Variants in SPIDR observed in about 807,000 individuals in gnomAD.
The protein encoded by SPIDR is DNA repair-scaffolding protein.
In SPIDR, 93 loss-of-function variants were observed where a neutral mutation model predicts 104.6. The ratio of observed to expected loss-of-function variants is 0.89; its 90% CI spans 0.75 to 1.06. SPIDR has a LOEUF of 1.06. Ranked by LOEUF, SPIDR falls within the 50% of genes least tolerant of loss-of-function variation. SPIDR has a pLI of 0.00. For synonymous variants in SPIDR, 431 were observed against 416.9 expected, an observed-to-expected ratio of 1.03 and a Z score of -0.41; for missense variants, 1,154 against 1,111.2, an observed-to-expected ratio of 1.04 and a Z score of -0.55.
At position 47,266,454 on chromosome 8, in the gene SPIDR, A is replaced by G. The variant is rs1353110784; in HGVS notation, c.33+5463A>G. ...CCTGGCCAATAGTTTCTTTGTTTTAATTGCTGAGTAGTGTTCCATATAATG... is the reference window on the plus strand; with the variant it reads ...CCTGGCCAATAGTTTCTTTGTTTTAGTTGCTGAGTAGTGTTCCATATAATG... On this transcript the variant is annotated intron_variant, in intron 1 of 19. Transcript: ENST00000297423. Among the ~76,000 whole-genome samples the G allele has an allele frequency of 7.2e-5, 11 of 152,266 alleles. No individual in the cohort carries two copies. In the East Asian group the frequency reaches 1.2e-3, roughly 16 times the overall value.
At chr8:47,287,771 A>T (rs1269421244) in intron 3 of SPIDR, among the ~76,000 whole-genome samples, 2 of 152,166 alleles carry the variant, frequency 1.3e-5, no homozygotes, top group Admixed American at 1.3e-4. Context: ...AGGTGCACTG[A>T]TTTCATATTG....
At chr8:47,703,271 T>C (rs1393374239) in intron 14 of SPIDR, among the ~76,000 whole-genome samples, 20 of 152,242 alleles carry the variant, frequency 1.3e-4, no homozygotes, top group Admixed American at 9.8e-4. Flanking sequence ...TTTGAACAAA[T>C]TCTTTGCATT....
At chr8:47,645,385 G>T (rs2154449064) in intron 10 of SPIDR, among the ~76,000 whole-genome samples, 1 of 152,210 alleles carries the variant, frequency 6.6e-6, no homozygotes, top group Middle Eastern at 3.4e-3. Flanking sequence ...TGGTGGTGTG[G>T]TCATTGAGGT....
chr8:47,598,557 A>G (rs976479330), intron 9 of SPIDR, among the ~76,000 whole-genome samples: 4 of 152,356 alleles, frequency 2.6e-5, no homozygotes, highest in African/African-American at 9.6e-5. Context: ...AAGCATTTGT[A>G]TTATCCCTAG....
chr8:47,597,278 C>T (rs1474231089), intron 9 of SPIDR, among the ~76,000 whole-genome samples: 2 of 151,992 alleles, frequency 1.3e-5, no homozygotes, highest in Admixed American at 6.6e-5. Context: ...AGGTTTGTTA[C>T]ATATGTATAC....
At chr8:47,657,408 T>C (rs770561776) in intron 10 of SPIDR, among the ~76,000 whole-genome samples, 1 of 151,816 alleles carries the variant, frequency 6.6e-6, no homozygotes, top group Non-Finnish European at 1.5e-5. Context: ...GTCATGAGGG[T>C]TGGGAGATGG....
At chr8:47,326,577 G>T (rs1554600451) in intron 5 of SPIDR, among the ~76,000 whole-genome samples, 1 of 152,144 alleles carries the variant, frequency 6.6e-6, no homozygotes, top group Non-Finnish European at 1.5e-5. Context: ...TCATCACTCT[G>T]CAAGGAGACA....
intron 7 of SPIDR, 41 bp from the exon 8 acceptor site, chr8:47,440,282 T>C: frequency 6.4e-7 from 1 of 1,564,806 alleles, no homozygotes; most frequent in Non-Finnish European, 8.8e-7. Flanking sequence ...CCATCTGTCT[T>C]TTGATTTCAT....
At chr8:47,558,866 C>G (rs891591810) in intron 8 of SPIDR, among the ~76,000 whole-genome samples, 2 of 152,130 alleles carry the variant, frequency 1.3e-5, no homozygotes, top group Non-Finnish European at 2.9e-5. Context: ...GAGTGTCGAT[C>G]TGACCTCGTG....
chr8:47,281,934 A>G (rs1220122970), intron 2 of SPIDR, among the ~76,000 whole-genome samples: 4 of 152,234 alleles, frequency 2.6e-5, no homozygotes, highest in Non-Finnish European at 5.9e-5. Flanking sequence ...TGAAAGTCAG[A>G]ATCACCCCAT....
Position 47,328,947 on chromosome 8 carries a change from C to A in SPIDR, c.525+34917C>A, listed in dbSNP as rs576299529. Among the ~76,000 whole-genome samples, 2 of 152,118 alleles carry A rather than the reference C, an allele frequency of 1.3e-5. 1 individual carries two copies. The highest frequency in any genetic ancestry group is 4.2e-4 in the South Asian group (2 of 4,818). Reference sequence around the variant, plus strand: ...TTGGAAACAGCATCTTGCTCTGTTGCACAGGCTAGAGTGCAGTGGCAGAAT... The same window carrying A: ...TTGGAAACAGCATCTTGCTCTGTTGAACAGGCTAGAGTGCAGTGGCAGAAT... On this transcript the variant is annotated intron_variant, in intron 5 of 19. Coordinates refer to ENST00000297423, the MANE Select transcript of SPIDR (RefSeq NM_001080394.4).
chr8:47,401,113 G>T (rs2061822749), intron 6 of SPIDR, among the ~76,000 whole-genome samples: 1 of 152,164 alleles, frequency 6.6e-6, no homozygotes. Context: ...ACAAAGAGAA[G>T]CCCATCAGAC....
intron 5 of SPIDR, among the ~76,000 whole-genome samples, chr8:47,376,244 T>C (rs1489909972): frequency 1.8e-4 from 28 of 152,188 alleles, no homozygotes; most frequent in African/African-American, 6.0e-4. Context: ...TGCCAAGTAA[T>C]GTGAGCAGCC....
At chr8:47,265,563 C>G (rs2033781259) in intron 1 of SPIDR, among the ~76,000 whole-genome samples, 1 of 151,960 alleles carries the variant, frequency 6.6e-6, no homozygotes, top group Admixed American at 6.6e-5. Flanking sequence ...TTCTATATGT[C>G]AAGCACTTTG....
intron 10 of SPIDR, among the ~76,000 whole-genome samples, chr8:47,642,320 G>A (rs1188369695): frequency 2.0e-5 from 3 of 151,974 alleles, no homozygotes; most frequent in Admixed American, 2.0e-4. Flanking sequence ...GGAGGCTGAG[G>A]CAGGTGAATG....
chr8:47,403,472 A>G (rs1554664980), intron 6 of SPIDR, among the ~76,000 whole-genome samples: 1 of 152,224 alleles, frequency 6.6e-6, no homozygotes, highest in Non-Finnish European at 1.5e-5. Context: ...TCTCAGCCCA[A>G]AATCTCCTTA....
At chr8:47,328,556 A>G (rs2048100162) in intron 5 of SPIDR, among the ~76,000 whole-genome samples, 1 of 151,924 alleles carries the variant, frequency 6.6e-6, no homozygotes, top group Admixed American at 6.6e-5. Context: ...TTGGGTACCA[A>G]CTTCATTTTT....
At chr8:47,283,803 G>A (rs927236494) in intron 2 of SPIDR, among the ~76,000 whole-genome samples, 6 of 152,098 alleles carry the variant, frequency 3.9e-5, no homozygotes, top group Non-Finnish European at 5.9e-5. Context: ...GAATGTTAAT[G>A]GGAAACGTTT....
intron 5 of SPIDR, among the ~76,000 whole-genome samples, chr8:47,322,824 A>C (rs1259366626): frequency 6.6e-6 from 1 of 152,166 alleles, no homozygotes; most frequent in East Asian, 1.9e-4. Context: ...CATTCTCAGC[A>C]AACTATCAGA....
Sources: gnomAD v4.1 joint callset for allele counts (sites outside exome capture counted in the v4.1 genomes callset) on GRCh38, gnomAD v4.1.1 for gene constraint, MANE v1.5 for transcripts, NCBI Gene and HGNC (gene_info 2026-07-23, HGNC 2026-07-21) for gene names.